The following SMYD3 variants were observed in gnomAD, a reference collection of about 807,000 sequenced individuals.
SMYD3 encodes the protein histone-lysine N-methyltransferase SMYD3.
In SMYD3, 36 loss-of-function variants were observed where a neutral mutation model predicts 57.7. That is an observed-to-expected ratio of 0.62 (90% CI 0.48 to 0.82). The LOEUF is 0.82. Among genes scored for constraint, SMYD3 ranks in the 40% least tolerant of loss-of-function variants. The probability of loss-of-function intolerance (pLI) is 0.00; values close to 1 mark genes in which losing one functional copy is unlikely to be tolerated. For missense variants in SMYD3, 515 were observed against 538.8 expected (o/e 0.96, Z 0.44); for synonymous variants, 211 against 195.0 (o/e 1.08, Z -0.68).
intron 5 of SMYD3, among the ~76,000 whole-genome samples, chr1:246,208,794 G>T (rs7412106): frequency 0.39 from 59,398 of 151,850 alleles, 12,796 homozygotes; most frequent in East Asian, 0.79. Flanking sequence ...AGTAGTTTTT[G>T]GGCTCATGAT....
At chr1:245,798,782 A>G (rs2047713689) in intron 10 of SMYD3, among the ~76,000 whole-genome samples, 1 of 151,906 alleles carries the variant, frequency 6.6e-6, no homozygotes, top group Non-Finnish European at 1.5e-5. Flanking sequence ...ATCTCTTCAG[A>G]TCACCCTTCT....
chr1:246,446,223 C>T (rs114719919), intron 1 of SMYD3, among the ~76,000 whole-genome samples: 1 of 152,186 alleles, frequency 6.6e-6, no homozygotes, highest in Non-Finnish European at 1.5e-5. Context: ...CATTTTACTA[C>T]TGGCCAAACT....
intron 2 of SMYD3, among the ~76,000 whole-genome samples, chr1:246,346,947 G>C (rs1365286680): frequency 2.0e-5 from 3 of 152,120 alleles, no homozygotes; most frequent in Non-Finnish European, 2.9e-5. Flanking sequence ...CAGCATGCAA[G>C]AACAGACAGG....
At chr1:246,506,252 C>G (rs2068534661) in intron 1 of SMYD3, among the ~76,000 whole-genome samples, 1 of 152,200 alleles carries the variant, frequency 6.6e-6, no homozygotes, top group Non-Finnish European at 1.5e-5. Flanking sequence ...ATGTATGTTA[C>G]ACATTTCCAT....
chr1:245,995,492 T>C (rs1041675740), intron 5 of SMYD3, among the ~76,000 whole-genome samples: 9 of 152,246 alleles, frequency 5.9e-5, no homozygotes, highest in African/African-American at 1.9e-4. Context: ...TTACAGATGA[T>C]ACAATTATGA....
chr1:246,104,307 T>C (rs915991986), intron 5 of SMYD3, among the ~76,000 whole-genome samples: 6 of 152,188 alleles, frequency 3.9e-5, no homozygotes, highest in African/African-American at 1.4e-4. Flanking sequence ...AACATAAATA[T>C]GTCCAAAATG....
intron 8 of SMYD3, among the ~76,000 whole-genome samples, chr1:245,896,406 A>AAAAAAAAG (rs2053799985): frequency 6.6e-6 from 1 of 150,824 alleles, no homozygotes. Context: ...AAAAAAAAAA[A>AAAAAAAAG]CAGGCAATGA....
At chr1:246,252,326 A>C (rs2063811318) in intron 5 of SMYD3, among the ~76,000 whole-genome samples, 1 of 152,182 alleles carries the variant, frequency 6.6e-6, no homozygotes, top group Non-Finnish European at 1.5e-5. Context: ...ATACACAATG[A>C]TAATAAAAGA....
intron 5 of SMYD3, among the ~76,000 whole-genome samples, chr1:246,307,465 G>T (rs1444365276): frequency 7.1e-6 from 1 of 141,764 alleles, no homozygotes; most frequent in Non-Finnish European, 1.5e-5. Context: ...TGTCGCCCAG[G>T]CTGGAGTGCA....
rs887604952 is a variant in SMYD3, at chr1:246,039,951, TAAC to T, written c.532-110017_532-110015del. Among the ~76,000 whole-genome samples, 131 of 152,314 alleles carry T rather than the reference TAAC, an allele frequency of 8.6e-4. 1 individual carries two copies. The highest frequency in any genetic ancestry group is 2.8e-3 in the African/African-American group (118 of 41,564). On this transcript the variant is annotated intron_variant, in intron 5 of 11. Transcript: ENST00000490107. ...AAGCTTATTTCAAGTACTAGAAAAG[TAAC>T]AACATTAACGCAGCATTGATTAGTA...
At chr1:246,094,275 C>T (rs976919463) in intron 5 of SMYD3, among the ~76,000 whole-genome samples, 1 of 152,140 alleles carries the variant, frequency 6.6e-6, no homozygotes. Flanking sequence ...TGTGCCAGGT[C>T]CTGTGCCGGG....
chr1:246,041,141 G>C (rs1288862132), intron 5 of SMYD3, among the ~76,000 whole-genome samples: 5 of 152,284 alleles, frequency 3.3e-5, no homozygotes, highest in Admixed American at 3.3e-4. Flanking sequence ...TATAGCCCAG[G>C]AGCAAGAGAC....
chr1:245,828,284 C>G (rs922123979), intron 10 of SMYD3, among the ~76,000 whole-genome samples: 1 of 152,088 alleles, frequency 6.6e-6, no homozygotes, highest in African/African-American at 2.4e-5. Flanking sequence ...CAAAATTCTT[C>G]AATAAATTAA....
At chr1:245,938,659 T>C (rs570378207) in intron 5 of SMYD3, among the ~76,000 whole-genome samples, 3 of 152,318 alleles carry the variant, frequency 2.0e-5, no homozygotes, top group East Asian at 3.9e-4. Context: ...CAGACACTTT[T>C]ATAGATGGCC....
At chr1:245,799,781 C>T (rs2047763742) in intron 10 of SMYD3, among the ~76,000 whole-genome samples, 1 of 152,058 alleles carries the variant, frequency 6.6e-6, no homozygotes, top group Admixed American at 6.5e-5. Flanking sequence ...CCGACCTCGG[C>T]ACACCTGTCC....
chr1:246,361,783 G>A (rs1052132595), intron 1 of SMYD3, among the ~76,000 whole-genome samples: 6 of 152,098 alleles, frequency 3.9e-5, no homozygotes, highest in African/African-American at 1.2e-4. Context: ...ACTGGACATC[G>A]GGGACTCAGG....
chr1:246,259,715 G>A (rs2063967611), intron 5 of SMYD3, among the ~76,000 whole-genome samples: 1 of 152,196 alleles, frequency 6.6e-6, no homozygotes, highest in Non-Finnish European at 1.5e-5. Flanking sequence ...TGAGCTCCCT[G>A]CTCAGCCCCA....
chr1:246,240,338 T>G (rs1186984319), intron 5 of SMYD3, among the ~76,000 whole-genome samples: 1 of 152,246 alleles, frequency 6.6e-6, no homozygotes, highest in Non-Finnish European at 1.5e-5. Flanking sequence ...CAACATTTAT[T>G]AAATAGGGAA....
chr1:245,875,834 T>C (rs1558447612), intron 8 of SMYD3, among the ~76,000 whole-genome samples: 2 of 152,160 alleles, frequency 1.3e-5, no homozygotes, highest in Non-Finnish European at 2.9e-5. Flanking sequence ...ACTCTGAAAG[T>C]AAGATTTTAA....
Sources: gnomAD v4.1 joint callset for allele counts (sites outside exome capture counted in the v4.1 genomes callset) on GRCh38, gnomAD v4.1.1 for gene constraint, MANE v1.5 for transcripts, NCBI Gene and HGNC (gene_info 2026-07-23, HGNC 2026-07-21) for gene names.